PPT1: variants seen among roughly 807,000 people sequenced by gnomAD.
The protein encoded by PPT1 is palmitoyl-protein thioesterase 1.
PPT1 carries 24 observed loss-of-function variants against 44.0 expected under a neutral mutation model. That is an observed-to-expected ratio of 0.54 (90% CI 0.39 to 0.77). The LOEUF (loss-of-function observed/expected upper bound fraction) is 0.77. Among genes scored for constraint, PPT1 ranks in the 30% least tolerant of loss-of-function variants. The pLI is 0.00. For synonymous variants in PPT1, 148 were observed against 140.2 expected (o/e 1.06, Z -0.39); for missense variants, 341 against 378.8 (o/e 0.90, Z 0.83).
At chr1:40,093,629 G>A (rs911168061) in intron 1 of PPT1, among the ~76,000 whole-genome samples, 1 of 152,106 alleles carries the variant, frequency 6.6e-6, no homozygotes, top group Non-Finnish European at 1.5e-5. Context: ...GCTCACGTCT[G>A]TAATCCCAGC....
In PPT1 at chr1:40,092,461, C is replaced by T; in HGVS notation, c.171G>A (p.Met57Ile). The T allele has an allele frequency of 6.2e-7, 1 of 1,613,954 alleles. No individual in the cohort carries two copies. Among genetic ancestry groups the T allele is most frequent in the Non-Finnish European group, 8.5e-7 (1 of 1,179,824 alleles). ...AAATTCCAGGTATTTTCTTCTCCAC[C>T]ATTTTTTTAATAGCACCCATGCTTA... Reference protein sequence around the residue: ...NPLSMGAIKKMVEKKIPGIYV... With the variant: ...NPLSMGAIKKIVEKKIPGIYV... The change falls in exon 2 of 9, where the codon ATG (methionine) becomes ATA (isoleucine). Residue 57 changes from methionine (M) to isoleucine (I), a missense_variant. Coordinates refer to ENST00000642050, the MANE Select transcript of PPT1 (RefSeq NM_000310.4).
At chr1:40,076,971 A>G (rs1648662843) in intron 7 of PPT1, 58 bp from the exon 8 acceptor site, 3 of 1,590,346 alleles carry the variant, frequency 1.9e-6, no homozygotes, top group Non-Finnish European at 1.7e-6. Flanking sequence ...TACTGCCAAA[A>G]TAATTTGAGA....
rs527443242 is a variant in PPT1 at position 40,085,865 on chromosome 1, A to C, written c.536+3545T>G. On this transcript the variant is annotated intron_variant, in intron 5 of 8. Transcript: ENST00000642050. ...TGTGGTGGTCTAGAACCAAATCCTC[A>C]GTTTCTCTGAGGTATGCCTGTAGTT... Among the ~76,000 whole-genome samples the C allele has an allele frequency of 2.3e-3, 343 of 152,248 alleles. 1 individual carries two copies. Among genetic ancestry groups the C allele is most frequent in the Non-Finnish European group, 3.5e-3 (239 of 68,016 alleles).
intron 8 of PPT1, among the ~76,000 whole-genome samples, chr1:40,075,477 CTTT>C (rs5773686): frequency 6.9e-6 from 1 of 144,700 alleles, no homozygotes. Flanking sequence ...TTTCTCAAGC[CTTT>C]TTTTTTTTTT....
intron 8 of PPT1, among the ~76,000 whole-genome samples, chr1:40,075,417 G>A (rs865816891): frequency 5.9e-5 from 9 of 151,746 alleles, no homozygotes; most frequent in East Asian, 1.9e-4. Context: ...TGCTTCTGCC[G>A]TGGCCAACAT....
At chr1:40,094,373 G>C (rs1649733223) in intron 1 of PPT1, among the ~76,000 whole-genome samples, 1 of 152,154 alleles carries the variant, frequency 6.6e-6, no homozygotes, top group Non-Finnish European at 1.5e-5. Context: ...TAATGCCACT[G>C]CTGATCTGAC....
At chr1:40,084,036 G>C (rs1220841512) in intron 5 of PPT1, among the ~76,000 whole-genome samples, 2 of 152,176 alleles carry the variant, frequency 1.3e-5, no homozygotes, top group Non-Finnish European at 2.9e-5. Flanking sequence ...TTGGGTGACA[G>C]AGTGAGACTC....
intron 7 of PPT1, among the ~76,000 whole-genome samples, chr1:40,077,757 T>C (rs1291846960): frequency 6.6e-6 from 1 of 152,014 alleles, no homozygotes; most frequent in East Asian, 1.9e-4. Flanking sequence ...AATTGTCAGG[T>C]GGAGAAGCCA....
Position 40,076,851 on chromosome 1 carries a change from C to T in PPT1, c.789G>A (p.Leu263=). The T allele has an allele frequency of 6.2e-7, 1 of 1,614,150 alleles. No homozygotes were observed. The highest frequency in any genetic ancestry group is 8.5e-7 in the Non-Finnish European group (1 of 1,179,990). ...ACTCCCTGCCAGTTACCTGTGTGTACAGGGAGGTCTCCTGTAAGGGAATGG... is the reference window on the plus strand; with the variant it reads ...ACTCCCTGCCAGTTACCTGTGTGTATAGGGAGGTCTCCTGTAAGGGAATGG... The part of the protein sequence containing the change: ...KETIPLQETS[L]YTQDRLGLKE... Residue 263 remains leucine (L), a synonymous_variant, in exon 8 of 9, where the codon CTG becomes CTA. Transcript: ENST00000642050.
chr1:40,084,891 C>T (rs182470675), intron 5 of PPT1, among the ~76,000 whole-genome samples: 10 of 152,360 alleles, frequency 6.6e-5, no homozygotes, highest in Non-Finnish European at 1.0e-4. Context: ...GCTCCTTGGT[C>T]TAGCGGTAAT....
rs762647724 is a variant in PPT1, at chr1:40,078,638, C to G, written c.648G>C (p.Lys216Asn). The G allele has an allele frequency of 2.2e-5, 35 of 1,613,740 alleles. No individual in the cohort carries two copies. The highest frequency in any genetic ancestry group is 2.6e-5 in the Non-Finnish European group (31 of 1,179,754). Residue 216 changes from lysine (K) to asparagine (N), a missense_variant, in exon 7 of 9, where the codon AAG (lysine) becomes AAC (asparagine). Lys to Asn is a moderately conservative substitution (Grantham distance 94). Coordinates refer to ENST00000642050, the MANE Select transcript of PPT1 (RefSeq NM_000310.4). ...NQERGINESY[K>N]KNLMALKKFV... is the part of the protein sequence containing the mutation. ...ACTTCTTCAGGGCCATCAGGTTTTT[C>G]TTGTAGGACTCATTGATACCCTGAA... is the stretch of plus-strand genomic sequence containing the variant.
chr1:40,075,085 T>C (rs1032881452), intron 8 of PPT1: 1 of 152,120 alleles, frequency 6.6e-6, no homozygotes, highest in African/African-American at 2.4e-5. Flanking sequence ...TGACACTTTG[T>C]CTCTACTAAA....
At chr1:40,078,846 A>C in intron 6 of PPT1, 188 bp from the exon 7 acceptor site, 1 of 616,706 alleles carries the variant, frequency 1.6e-6, no homozygotes, top group South Asian at 1.6e-5. Flanking sequence ...TTTCTAAAAA[A>C]CAAAATATTT....
chr1:40,074,158 T>C lies in PPT1; in HGVS notation c.824A>G (p.Asp275Gly). 1 of 1,614,186 alleles carries C rather than the reference T, an allele frequency of 6.2e-7. No individual in the cohort carries two copies. Among genetic ancestry groups the C allele is most frequent in the South Asian group, 1.1e-5 (1 of 91,090 alleles). ...CAGAAACACTAGCTGTCCTGCATTG[T>C]CCATTTCCTTTAGCCCCAGGCGGTC... ...TQDRLGLKEM[D>G]NAGQLVFLAT... The change falls in exon 9 of 9, where the codon GAC (aspartate) becomes GGC (glycine). Residue 275 changes from aspartate to glycine, a missense_variant. By Grantham distance (94) the Asp-to-Gly change is moderately conservative. Coordinates refer to ENST00000642050, the MANE Select transcript of PPT1 (RefSeq NM_000310.4).
intron 1 of PPT1, chr1:40,096,814 C>A (rs1280828088): frequency 2.3e-6 from 1 of 434,268 alleles, no homozygotes; most frequent in Non-Finnish European, 4.2e-6. Flanking sequence ...CTCACCTAGC[C>A]TGACCAAGTG....
At position 40,074,025 on chromosome 1, in the gene PPT1, G is replaced by A; in HGVS notation, c.*36C>T. 6.2e-7 allele frequency: 1 copy of A among 1,613,518 alleles called. No homozygotes were observed. The highest frequency in any genetic ancestry group is 8.5e-7 in the Non-Finnish European group (1 of 1,179,790). On this transcript the variant is annotated 3_prime_UTR_variant, in exon 9 of 9. Coordinates refer to ENST00000642050, the MANE Select transcript of PPT1 (RefSeq NM_000310.4). ...TCTCCCATGTGGTTTGGAAGAGTTA[G>A]GGGCTCCCTGAGCTCTATTGTGAAC...
chr1:40,080,398 C>T lies in PPT1; in HGVS notation c.626G>A (p.Arg209Gln), dbSNP rs201265025. Residue 209 changes from arginine (R) to glutamine (Q), a missense_variant and splice_region_variant, in exon 6 of 9, where the codon CGG becomes CAG. Transcript: ENST00000642050. Reference sequence around the variant, plus strand: ...TGGGAGCCCGGTTTGGGTGCTTACCCGCTCCTGATTTATATCTGCCAAGAA... The same window carrying T: ...TGGGAGCCCGGTTTGGGTGCTTACCTGCTCCTGATTTATATCTGCCAAGAA... ...SIFLADINQE[R>Q]GINESYKKNL... 10 of 1,613,596 alleles carry T rather than the reference C, an allele frequency of 6.2e-6. No homozygotes were observed. The highest frequency in any genetic ancestry group is 3.3e-5 in the Admixed American group (2 of 59,998).
In PPT1 at chr1:40,074,038, C is replaced by T. The variant is rs1385276879; in HGVS notation, c.*23G>A. 5 of 1,613,826 alleles carry T rather than the reference C, an allele frequency of 3.1e-6. No homozygotes were observed. The highest frequency in any genetic ancestry group is 4.2e-6 in the Non-Finnish European group (5 of 1,179,960). On this transcript the variant is annotated 3_prime_UTR_variant, in exon 9 of 9. Transcript: ENST00000642050. ...TTGGAAGAGTTAGGGGCTCCCTGAG[C>T]TCTATTGTGAACTATACGGGTTTCA...
chr1:40,095,387 G>C (rs1649793797), intron 1 of PPT1, among the ~76,000 whole-genome samples: 1 of 152,026 alleles, frequency 6.6e-6, no homozygotes, highest in Non-Finnish European at 1.5e-5. Flanking sequence ...TTAACTACTA[G>C]CTGTATGCCG....
Sources: gnomAD v4.1 joint callset for allele counts (sites outside exome capture counted in the v4.1 genomes callset) on GRCh38, gnomAD v4.1.1 for gene constraint, MANE v1.5 for transcripts, NCBI Gene and HGNC (gene_info 2026-07-23, HGNC 2026-07-21) for gene names.